MACROD2: variants seen among roughly 807,000 people sequenced by gnomAD.
MACROD2 encodes mono-ADP ribosylhydrolase 2, also known as ADP-ribose glycohydrolase MACROD2.
In MACROD2, 36 loss-of-function variants were observed where a neutral mutation model predicts 70.4. The ratio of observed to expected loss-of-function variants is 0.51; its 90% CI spans 0.39 to 0.68. The LOEUF (loss-of-function observed/expected upper bound fraction) is 0.68. Ranked by LOEUF, MACROD2 falls within the 30% of genes least tolerant of loss-of-function variation. The probability of loss-of-function intolerance (pLI) is 0.00; values close to 1 mark genes in which losing one functional copy is unlikely to be tolerated. For synonymous variants in MACROD2, 172 were observed against 178.8 expected (o/e 0.96, Z 0.30); for missense variants, 496 against 538.4 (o/e 0.92, Z 0.78).
chr20:15,866,697 C>T (rs931867589), intron 9 of MACROD2, among the ~76,000 whole-genome samples: 2 of 152,180 alleles, frequency 1.3e-5, no homozygotes, highest in Non-Finnish European at 2.9e-5. Context: ...ATTTCATCTG[C>T]TGCCCATCAT....
chr20:15,316,001 G>A (rs1489003918), intron 6 of MACROD2, among the ~76,000 whole-genome samples: 1 of 151,432 alleles, frequency 6.6e-6, no homozygotes, highest in Admixed American at 6.6e-5. Context: ...ATAGATTACT[G>A]TAAATTTAGG....
At chr20:14,972,880 G>T (rs527969163) in intron 5 of MACROD2, among the ~76,000 whole-genome samples, 5 of 152,168 alleles carry the variant, frequency 3.3e-5, no homozygotes, top group Non-Finnish European at 7.4e-5. Flanking sequence ...TTTGCTAAGT[G>T]GCGTGTCATC....
At chr20:14,750,412 G>T (rs1017690569) in intron 5 of MACROD2, among the ~76,000 whole-genome samples, 2 of 152,010 alleles carry the variant, frequency 1.3e-5, no homozygotes, top group East Asian at 1.9e-4. Flanking sequence ...TGTTATTTAC[G>T]ATCATTAAAA....
intron 5 of MACROD2, among the ~76,000 whole-genome samples, chr20:15,140,310 C>T (rs1477381809): frequency 6.8e-6 from 1 of 147,848 alleles, no homozygotes. Context: ...CGGAGAGAGC[C>T]ATGGGGATTT....
At chr20:15,039,301 G>C (rs1759215302) in intron 5 of MACROD2, among the ~76,000 whole-genome samples, 1 of 152,168 alleles carries the variant, frequency 6.6e-6, no homozygotes, top group Non-Finnish European at 1.5e-5. Context: ...GCATTCCTTT[G>C]CCCTGGTTAT....
chr20:15,294,986 C>T (rs572497845), intron 6 of MACROD2, among the ~76,000 whole-genome samples: 3 of 152,332 alleles, frequency 2.0e-5, no homozygotes, highest in African/African-American at 7.2e-5. Context: ...GCTGTGTCCC[C>T]ACTGAAATCT....
intron 3 of MACROD2, among the ~76,000 whole-genome samples, chr20:14,451,068 G>A (rs529771269): frequency 2.6e-4 from 39 of 152,204 alleles, no homozygotes; most frequent in African/African-American, 8.4e-4. Context: ...GAATGAAGGA[G>A]TTTTTTGGGG....
chr20:15,751,164 A>G (rs1342313067), intron 8 of MACROD2, among the ~76,000 whole-genome samples: 1 of 152,088 alleles, frequency 6.6e-6, no homozygotes, highest in Non-Finnish European at 1.5e-5. Flanking sequence ...GCAATGATGA[A>G]TACGTGAGGT....
At chr20:15,606,015 G>A (rs1207807578) in intron 8 of MACROD2, among the ~76,000 whole-genome samples, 3 of 152,052 alleles carry the variant, frequency 2.0e-5, no homozygotes, top group Non-Finnish European at 4.4e-5. Context: ...CTAGATACTT[G>A]TCAACCTGTC....
chr20:14,028,322 A>C (rs746401106), intron 2 of MACROD2, among the ~76,000 whole-genome samples: 1 of 146,648 alleles, frequency 6.8e-6, no homozygotes, highest in Non-Finnish European at 1.5e-5. Context: ...TGCTGGCAGC[A>C]AGAATTACAA....
At chr20:14,086,503 A>T (rs1406144743) in intron 3 of MACROD2, among the ~76,000 whole-genome samples, 1 of 152,208 alleles carries the variant, frequency 6.6e-6, no homozygotes, top group Non-Finnish European at 1.5e-5. Context: ...ATAGACTATG[A>T]CAATAAAAGG....
intron 3 of MACROD2, among the ~76,000 whole-genome samples, chr20:14,125,544 G>C (rs2054637817): frequency 6.6e-6 from 1 of 152,054 alleles, no homozygotes; most frequent in Non-Finnish European, 1.5e-5. Flanking sequence ...GTACCACTCA[G>C]AACAATTCTT....
chr20:15,011,512 A>G (rs561075391), intron 5 of MACROD2, among the ~76,000 whole-genome samples: 1 of 152,296 alleles, frequency 6.6e-6, no homozygotes, highest in African/African-American at 2.4e-5. Context: ...ATGGGAAATG[A>G]CATAGTACTC....
At chr20:14,011,523 C>G (rs915723038) in intron 2 of MACROD2, among the ~76,000 whole-genome samples, 2 of 150,342 alleles carry the variant, frequency 1.3e-5, no homozygotes, top group African/African-American at 4.9e-5. Flanking sequence ...GATATTCTTT[C>G]TCTTCGATTT....
intron 8 of MACROD2, among the ~76,000 whole-genome samples, chr20:15,813,373 A>G (rs899270853): frequency 2.0e-5 from 3 of 152,242 alleles, no homozygotes; most frequent in Non-Finnish European, 4.4e-5. Flanking sequence ...CTACAAGTCA[A>G]TTGATTTCCT....
At chr20:14,932,512 T>G (rs371131957) in intron 5 of MACROD2, among the ~76,000 whole-genome samples, 26 of 152,162 alleles carry the variant, frequency 1.7e-4, no homozygotes, top group African/African-American at 6.0e-4. Flanking sequence ...TTCCATTTCA[T>G]GTATACCCAA....
rs150027647 is a variant in MACROD2, at chr20:14,910,889, G to A, written c.418+225930G>A. Among the ~76,000 whole-genome samples the A allele has an allele frequency of 3.6e-3, 545 of 152,154 alleles. 6 individuals are homozygous for A. Among genetic ancestry groups the A allele is most frequent in the African/African-American group, 0.013 (526 of 41,526 alleles). On this transcript the variant is annotated intron_variant, in intron 5 of 17. Transcript: ENST00000684519. ...TAGAGCGAAGTCTTCTCAACTTTTT[G>A]TCTACAACCCATAATAAGAATTTCA... is the stretch of plus-strand genomic sequence containing the variant.
At chr20:15,074,677 G>A (rs1158554649) in intron 5 of MACROD2, among the ~76,000 whole-genome samples, 1 of 152,160 alleles carries the variant, frequency 6.6e-6, no homozygotes, top group Admixed American at 6.5e-5. Context: ...CACATAGCTG[G>A]TATCCACTGC....
intron 8 of MACROD2, among the ~76,000 whole-genome samples, chr20:15,581,357 A>G (rs1276302461): frequency 6.6e-6 from 1 of 152,144 alleles, no homozygotes; most frequent in Non-Finnish European, 1.5e-5. Flanking sequence ...GAATCTAATG[A>G]CTGTCAATTA....
Sources: gnomAD v4.1 joint callset for allele counts (sites outside exome capture counted in the v4.1 genomes callset) on GRCh38, gnomAD v4.1.1 for gene constraint, MANE v1.5 for transcripts, NCBI Gene and HGNC (gene_info 2026-07-23, HGNC 2026-07-21) for gene names.